The following USP15 variants were observed in gnomAD, a reference collection of about 807,000 sequenced individuals.
USP15 encodes ubiquitin specific peptidase 15.
A neutral mutation model predicts 127.1 loss-of-function variants in USP15; 18 were observed. The ratio of observed to expected loss-of-function variants is 0.14; its 90% CI spans 0.10 to 0.21. The LOEUF is 0.21. Ranked by LOEUF, USP15 falls within the 10% of genes least tolerant of loss-of-function variation. The pLI is 1.00. For missense variants in USP15, 805 were observed against 1,159.9 expected (o/e 0.69, Z 4.44); for synonymous variants, 364 against 393.7 (o/e 0.92, Z 0.89).
intron 11 of USP15, among the ~76,000 whole-genome samples, chr12:62,385,537 T>G (rs186663332): frequency 6.6e-6 from 1 of 152,160 alleles, no homozygotes; most frequent in East Asian, 1.9e-4. Flanking sequence ...TGCTGCTTTA[T>G]GTTTTCTTTA....
At chr12:62,275,164 G>T (rs2063454088) in intron 1 of USP15, among the ~76,000 whole-genome samples, 1 of 151,990 alleles carries the variant, frequency 6.6e-6, no homozygotes, top group Admixed American at 6.6e-5. Flanking sequence ...TGGAGAGAGA[G>T]AGGATTGACT....
At chr12:62,287,561 T>C (rs2063822267) in intron 1 of USP15, among the ~76,000 whole-genome samples, 1 of 152,212 alleles carries the variant, frequency 6.6e-6, no homozygotes, top group Non-Finnish European at 1.5e-5. Context: ...ACAGAAGTTT[T>C]TCAGTTAAAC....
Position 62,404,434 on chromosome 12 carries a change from A to ATG in USP15, c.*60_*61dup. 1 of 1,468,096 alleles carries ATG rather than the reference A, an allele frequency of 6.8e-7. No individual in the cohort carries two copies. The highest frequency in any genetic ancestry group is 9.0e-7 in the Non-Finnish European group (1 of 1,106,224). The allele number at this position is 1,468,096 out of a possible 1,614,324, so 90.9% of individuals were successfully genotyped here. A position where few individuals can be genotyped will look rare whatever the true frequency, so the allele number is the denominator to read the frequency against. The stretch of plus-strand genomic sequence containing the variant: ...CCTGCTGGTGGTATCTATGGAAATG[A>ATG]TGAAGTTACCCACCACATTAAAACA... On this transcript the variant is annotated 3_prime_UTR_variant, in exon 22 of 22. Coordinates refer to ENST00000280377, the MANE Select transcript of USP15 (RefSeq NM_001252078.2).
chr12:62,284,646 CAT>C (rs1298585562), intron 1 of USP15, among the ~76,000 whole-genome samples: 3 of 152,156 alleles, frequency 2.0e-5, no homozygotes, highest in Non-Finnish European at 4.4e-5. Flanking sequence ...GTATTACACA[CAT>C]GAGCTTTAAA....
chr12:62,397,003 G>A (rs769153344), intron 20 of USP15, among the ~76,000 whole-genome samples: 6 of 152,162 alleles, frequency 3.9e-5, no homozygotes, highest in Non-Finnish European at 8.8e-5. Flanking sequence ...GTGAGTAAGT[G>A]TTGCCAGATT....
intron 8 of USP15, among the ~76,000 whole-genome samples, chr12:62,378,181 TGG>T (rs1390463291): frequency 6.6e-6 from 1 of 152,180 alleles, no homozygotes; most frequent in East Asian, 1.9e-4. Flanking sequence ...CACTCCAGCC[TGG>T]GTGACAGAGT....
In USP15 at chr12:62,393,185, A is replaced by G; in HGVS notation, c.2553A>G (p.Leu851=). The change falls in exon 19 of 22, where the codon TTA becomes TTG. Residue 851 remains leucine (L), a synonymous_variant. Coordinates refer to ENST00000280377, the MANE Select transcript of USP15 (RefSeq NM_001252078.2). ...ACATGAGAGACAAGTTGGATACCTT[A>G]GTTGATTTTCCTATCAAGTAAGCTT... ...SRYMRDKLDT[L]VDFPINDLDM... 6.2e-7 allele frequency: 1 copy of G among 1,612,462 alleles called. No homozygotes were observed. Among genetic ancestry groups the G allele is most frequent in the Non-Finnish European group, 8.5e-7 (1 of 1,179,274 alleles).
At chr12:62,383,172 A>G (rs963986501) in intron 9 of USP15, among the ~76,000 whole-genome samples, 3 of 151,904 alleles carry the variant, frequency 2.0e-5, no homozygotes, top group Non-Finnish European at 4.4e-5. Context: ...GTTATGTTCA[A>G]TGAAGCTGCC....
chr12:62,396,174 A>G, intron 19 of USP15, 121 bp from the exon 20 acceptor site: 1 of 492,060 alleles, frequency 2.0e-6, no homozygotes, highest in Non-Finnish European at 3.4e-6. Context: ...ATATAGATAG[A>G]TATATATAGA....
At position 62,307,775 on chromosome 12, in the gene USP15, T is replaced by C. The variant is rs535210923; in HGVS notation, c.348+4855T>C. ...ACTTAGTAGCCATCTTGGTTATCAATCTACTGTCACAGTGCTTTGTTGAAG... is the reference window on the plus strand; with the variant it reads ...ACTTAGTAGCCATCTTGGTTATCAACCTACTGTCACAGTGCTTTGTTGAAG... On this transcript the variant is annotated intron_variant, in intron 3 of 21. Coordinates refer to ENST00000280377, the MANE Select transcript of USP15 (RefSeq NM_001252078.2). 6.7e-4 allele frequency among the ~76,000 whole-genome samples: 102 copies of C among 152,288 alleles called. 1 individual carries two copies. The highest frequency in any genetic ancestry group is 2.4e-3 in the African/African-American group (98 of 41,562).
At chr12:62,390,544 T>C (rs1156521698) in intron 14 of USP15, among the ~76,000 whole-genome samples, 1 of 152,128 alleles carries the variant, frequency 6.6e-6, no homozygotes, top group Non-Finnish European at 1.5e-5. Flanking sequence ...ATAACCCATA[T>C]ATAAAGATCA....
intron 7 of USP15, among the ~76,000 whole-genome samples, chr12:62,352,838 A>AGTGT (rs2066001892): frequency 6.6e-6 from 1 of 151,996 alleles, no homozygotes; most frequent in African/African-American, 2.4e-5. Flanking sequence ...TCACAAAAAA[A>AGTGT]AAGTGTATTT....
At chr12:62,312,265 A>T (rs73137512) in intron 3 of USP15, 30,222 of 339,202 alleles carry the variant, frequency 0.089, 1,562 homozygotes, top group Middle Eastern at 0.15. Context: ...GAAATTACTT[A>T]TATTTCTCTT....
At chr12:62,384,805 A>G (rs1456849714) in intron 11 of USP15, among the ~76,000 whole-genome samples, 1 of 151,834 alleles carries the variant, frequency 6.6e-6, no homozygotes, top group Non-Finnish European at 1.5e-5. Context: ...ATGTTCTCTA[A>G]TTTCTAATAC....
At chr12:62,283,900 C>T (rs2063722459) in intron 1 of USP15, among the ~76,000 whole-genome samples, 1 of 152,126 alleles carries the variant, frequency 6.6e-6, no homozygotes, top group African/African-American at 2.4e-5. Context: ...CAAGATCGTG[C>T]CACCACACTC....
rs529266135 is a variant in USP15, at chr12:62,318,626, T to C, written c.476-2838T>C. On this transcript the variant is annotated intron_variant, in intron 4 of 21. Coordinates refer to ENST00000280377, the MANE Select transcript of USP15 (RefSeq NM_001252078.2). ...TTTAAATATTTTCCATGTGTTGATA[T>C]CTTTTAAGTTGATAGGTCCTGCCCT... Among the ~76,000 whole-genome samples the C allele has an allele frequency of 5.9e-5, 9 of 152,330 alleles. No individual in the cohort carries two copies. The East Asian group carries it at 1.2e-3, about 20-fold the overall frequency.
chr12:62,269,172 G>A (rs2063278345), intron 1 of USP15, among the ~76,000 whole-genome samples: 1 of 152,000 alleles, frequency 6.6e-6, no homozygotes, highest in African/African-American at 2.4e-5. Flanking sequence ...TTTTGTCGTT[G>A]TGTGAACATC....
At chr12:62,397,020 C>T (rs970801739) in intron 20 of USP15, among the ~76,000 whole-genome samples, 1 of 152,112 alleles carries the variant, frequency 6.6e-6, no homozygotes, top group Non-Finnish European at 1.5e-5. Context: ...GATTGCCCCC[C>T]ACCCCCCAGG....
rs189334182 is a variant in USP15 at position 62,399,720 on chromosome 12, T to A, written c.2675-1467T>A. ...TTGAGGAGAGGGAACCAACAACAGA[T>A]AGAATATGAAACATTTCTTCCACAT... is the stretch of plus-strand genomic sequence containing the variant. On this transcript the variant is annotated intron_variant, in intron 20 of 21. Coordinates refer to ENST00000280377, the MANE Select transcript of USP15 (RefSeq NM_001252078.2). Among the ~76,000 whole-genome samples, 8 of 152,302 alleles carry A rather than the reference T, an allele frequency of 5.3e-5. No individual in the cohort carries two copies. The East Asian group carries it at 1.5e-3, about 29-fold the overall frequency.
Sources: allele counts gnomAD v4.1 joint callset (sites outside exome capture counted in the v4.1 genomes callset), GRCh38; gene constraint gnomAD v4.1.1; transcripts MANE v1.5; gene names NCBI Gene and HGNC (gene_info 2026-07-23, HGNC 2026-07-21).